Variants in DNMT3A observed in about 807,000 individuals in gnomAD.
DNMT3A encodes DNA methyltransferase 3 alpha.
DNMT3A carries 267 observed loss-of-function variants against 117.6 expected under a neutral mutation model. The ratio of observed to expected loss-of-function variants is 2.27; its 90% CI spans 2.05 to 2.51. The LOEUF (loss-of-function observed/expected upper bound fraction) is 2.51, where lower values mean the gene tolerates loss of function less well. Ranked by LOEUF, DNMT3A falls within the 30% of genes most tolerant of loss-of-function variation. The pLI, the probability that DNMT3A is intolerant of heterozygous loss-of-function variation, is 0.00. For synonymous variants in DNMT3A, 432 were observed against 474.8 expected (o/e 0.91, Z 1.17); for missense variants, 1,029 against 1,260.2 (o/e 0.82, Z 2.78).
chr2:25,240,159 G>A, intron 19 of DNMT3A, 143 bp downstream of exon 19: 1 of 1,224,724 alleles, frequency 8.2e-7, no homozygotes. Context: ...TTCTATCCAG[G>A]AAGCCTGGGG....
intron 1 of DNMT3A, chr2:25,328,778 T>C: frequency 2.2e-6 from 1 of 464,164 alleles, no homozygotes; most frequent in Non-Finnish European, 4.5e-6. Context: ...GGAAAGGCTG[T>C]TTGCAGGAGC....
intron 6 of DNMT3A, among the ~76,000 whole-genome samples, chr2:25,253,518 G>C (rs1675836680): frequency 6.6e-6 from 1 of 152,082 alleles, no homozygotes; most frequent in Non-Finnish European, 1.5e-5. Context: ...AAGAGCTGCC[G>C]GGCTGGGGAG....
At chr2:25,235,376 G>C (rs954910490) in intron 22 of DNMT3A, among the ~76,000 whole-genome samples, 2 of 152,080 alleles carry the variant, frequency 1.3e-5, no homozygotes, top group Admixed American at 1.3e-4. Flanking sequence ...GTAGAGACGG[G>C]GTTTCGCCAT....
At chr2:25,334,176 C>T (rs11895890) in intron 1 of DNMT3A, among the ~76,000 whole-genome samples, 49,841 of 151,946 alleles carry the variant, frequency 0.33, 8,527 homozygotes, top group East Asian at 0.47. Flanking sequence ...GGGTGGGGTG[C>T]GGGAGGGTAA....
rs2149414538 is a variant in DNMT3A at position 25,305,256 on chromosome 2, A to G, written c.73-5013T>C. Among the ~76,000 whole-genome samples the G allele has an allele frequency of 6.6e-6, 1 of 152,356 alleles. No individual in the cohort carries two copies. On this transcript the variant is annotated intron_variant, in intron 2 of 22. Coordinates refer to ENST00000321117, the MANE Select transcript of DNMT3A (RefSeq NM_022552.5). This position sits in a 1 kb window ranked among gnomAD's most constrained non-coding sequence, Gnocchi z 4.1. ...GACTTAAACATAATTGTCACTTTGC[A>G]TTTATGTCATTCTTTGCAGCTTTCA... is the stretch of plus-strand genomic sequence containing the variant.
chr2:25,246,420 C>A, intron 10 of DNMT3A, 111 bp from the exon 11 acceptor site: 7 of 1,463,042 alleles, frequency 4.8e-6, no homozygotes, highest in Non-Finnish European at 6.5e-6. Flanking sequence ...CTTGTTCCCA[C>A]CTCCCAACTC....
intron 1 of DNMT3A, among the ~76,000 whole-genome samples, chr2:25,320,152 C>T (rs1046493236): frequency 7.9e-5 from 12 of 152,084 alleles, no homozygotes; most frequent in Non-Finnish European, 1.5e-4. Context: ...GAGGAGGACA[C>T]GAAAGCCAGA....
At position 25,294,777 on chromosome 2, in the gene DNMT3A, G is replaced by A. The variant is rs1229471180; in HGVS notation, c.177+5362C>T. 6.6e-6 allele frequency among the ~76,000 whole-genome samples: 1 copy of A among 152,188 alleles called. No individual in the cohort carries two copies. Among genetic ancestry groups the A allele is most frequent in the African/African-American group, 2.4e-5 (1 of 41,438 alleles). On this transcript the variant is annotated intron_variant, in intron 3 of 22. Transcript: ENST00000321117. The surrounding 1 kb of genome is among the most constrained non-coding windows in gnomAD (Gnocchi z 4.7). ...GTTACCCCAAGTCATCTGCTCTGAA[G>A]TGGGGCAGTTTGCCCTCTTGGACTG...
rs1672767438 is a variant in DNMT3A, at chr2:25,228,810, T to G, written c.*5469A>C. On this transcript the variant is annotated 3_prime_UTR_variant, in exon 23 of 23. Transcript: ENST00000321117. ...TTCTAGGGCTGTGCAACCAAATCGG[T>G]CTGTGAAGTGAAATGGGACTAGGGG... The G allele has an allele frequency of 1.3e-5, 2 of 152,206 alleles. No homozygotes were observed. Among genetic ancestry groups the G allele is most frequent in the South Asian group, 4.1e-4 (2 of 4,828 alleles). The allele number at this position is 152,206 out of a possible 1,614,324, so 9.4% of individuals were successfully genotyped here. A position where few individuals can be genotyped will look rare whatever the true frequency, so the allele number is the denominator to read the frequency against.
intron 3 of DNMT3A, among the ~76,000 whole-genome samples, chr2:25,285,399 T>C (rs1291163965): frequency 6.6e-6 from 1 of 152,204 alleles, no homozygotes; most frequent in Non-Finnish European, 1.5e-5. Context: ...TATGCTTTCC[T>C]CCCTGGATGG....
intron 4 of DNMT3A, among the ~76,000 whole-genome samples, chr2:25,279,262 T>C (rs1450138571): frequency 1.3e-5 from 2 of 152,188 alleles, no homozygotes; most frequent in African/African-American, 4.8e-5. Context: ...ATGCTCAGGC[T>C]ACAAGAAACG....
chr2:25,248,185 G>A lies in DNMT3A; in HGVS notation c.707C>T (p.Ser236Phe). ...AVEENQGPGESQKVEEASPPA... is the reference protein window; with the variant it reads ...AVEENQGPGEFQKVEEASPPA... ...AGGGCTGGCCTCCTCCACCTTCTGA[G>A]ACTCCCCGGGCCCCTGGTTTTCTTC... The change falls in exon 7 of 23, where the codon TCT becomes TTT. Residue 236 changes from serine to phenylalanine, a missense_variant. Coordinates refer to ENST00000321117, the MANE Select transcript of DNMT3A (RefSeq NM_022552.5). 6.2e-7 allele frequency: 1 copy of A among 1,613,854 alleles called. No individual in the cohort carries two copies. The highest frequency in any genetic ancestry group is 8.5e-7 in the Non-Finnish European group (1 of 1,179,924).
In DNMT3A at chr2:25,311,595, T is replaced by G. The variant is rs948278583; in HGVS notation, c.72+2318A>C. Among the ~76,000 whole-genome samples, 5 of 152,320 alleles carry G rather than the reference T, an allele frequency of 3.3e-5. No homozygotes were observed. Among genetic ancestry groups the G allele is most frequent in the Non-Finnish European group, 7.3e-5 (5 of 68,030 alleles). Reference sequence around the variant, plus strand: ...TGTGCACTCTATCAGCACCGGGATCTAGGGCTGGGTGTGTGTTTGTTGCCG... The same window carrying G: ...TGTGCACTCTATCAGCACCGGGATCGAGGGCTGGGTGTGTGTTTGTTGCCG... On this transcript the variant is annotated intron_variant, in intron 2 of 22. Transcript: ENST00000321117. This position sits in a 1 kb window ranked among gnomAD's most constrained non-coding sequence, Gnocchi z 5.2.
At chr2:25,239,266 G>A (rs375129631) in intron 19 of DNMT3A, 51 bp from the exon 20 acceptor site, 1 of 1,532,942 alleles carries the variant, frequency 6.5e-7, no homozygotes. Flanking sequence ...GCATGAAACA[G>A]CGCCGGCATG....
intron 3 of DNMT3A, among the ~76,000 whole-genome samples, chr2:25,287,356 T>C (rs2032388733): frequency 6.6e-6 from 1 of 152,062 alleles, no homozygotes; most frequent in East Asian, 1.9e-4. Flanking sequence ...GTGAATCTAG[T>C]ATCATTCTAG....
Position 25,252,746 on chromosome 2 carries a change from A to C in DNMT3A, c.640-4494T>G, listed in dbSNP as rs903371163. Among the ~76,000 whole-genome samples the C allele has an allele frequency of 6.6e-6, 1 of 151,992 alleles. No individual in the cohort carries two copies. The highest frequency in any genetic ancestry group is 1.5e-5 in the Non-Finnish European group (1 of 67,934). ...GGAGAGCCGGGAGAAAGTTGTGAAA[A>C]GTGAGTTTCTCTGAAGCACAACCAA... On this transcript the variant is annotated intron_variant, in intron 6 of 22. Coordinates refer to ENST00000321117, the MANE Select transcript of DNMT3A (RefSeq NM_022552.5). This position sits in a 1 kb window ranked among gnomAD's most constrained non-coding sequence, Gnocchi z 5.5.
chr2:25,323,152 T>G (rs538569830), intron 1 of DNMT3A, among the ~76,000 whole-genome samples: 1 of 152,132 alleles, frequency 6.6e-6, no homozygotes, highest in Non-Finnish European at 1.5e-5. Context: ...CCCTGGAACC[T>G]TTTTATCGAT....
At chr2:25,243,777 G>T in intron 16 of DNMT3A, 121 bp downstream of exon 16, 1 of 1,094,966 alleles carries the variant, frequency 9.1e-7, no homozygotes, top group Non-Finnish European at 1.4e-6. Flanking sequence ...CTTCCCCTTT[G>T]GGATAATATT....
At chr2:25,269,569 AT>A (rs781066604) in intron 6 of DNMT3A, among the ~76,000 whole-genome samples, 4 of 152,118 alleles carry the variant, frequency 2.6e-5, no homozygotes, top group Non-Finnish European at 4.4e-5. Flanking sequence ...GGGTGGGCTG[AT>A]TGTGGAGGTC....
Sources: gnomAD v4.1 joint callset for allele counts (sites outside exome capture counted in the v4.1 genomes callset) on GRCh38, gnomAD v4.1.1 for gene constraint, Gnocchi (gnomAD v3.1) non-coding constraint, MANE v1.5 for transcripts, NCBI Gene and HGNC (gene_info 2026-07-23, HGNC 2026-07-21) for gene names.